Variants in KIAA1217 observed in about 807,000 individuals in gnomAD.
KIAA1217 encodes sickle tail protein homolog.
A neutral mutation model predicts 163.9 loss-of-function variants in KIAA1217; 88 were observed. That is an observed-to-expected ratio of 0.54 (90% CI 0.45 to 0.64). The LOEUF is 0.64. KIAA1217 is among the 30% of genes least tolerant of loss of function. The probability of loss-of-function intolerance (pLI) is 0.00; values close to 1 mark genes in which losing one functional copy is unlikely to be tolerated. For synonymous variants in KIAA1217, 903 were observed against 923.1 expected, an observed-to-expected ratio of 0.98 and a Z score of 0.39; for missense variants, 2,372 against 2,475.0, an observed-to-expected ratio of 0.96 and a Z score of 0.88.
chr10:24,242,465 A>T (rs1382690494), intron 2 of KIAA1217, among the ~76,000 whole-genome samples: 1 of 152,194 alleles, frequency 6.6e-6, no homozygotes, highest in East Asian at 1.9e-4. Flanking sequence ...CATGGTGAAC[A>T]TGTACCACAT....
intron 2 of KIAA1217, among the ~76,000 whole-genome samples, chr10:24,282,292 T>A (rs1033865153): frequency 6.6e-6 from 1 of 152,170 alleles, no homozygotes; most frequent in African/African-American, 2.4e-5. Context: ...GGAGTCTTTT[T>A]CAGGTTTCTC....
intron 1 of KIAA1217, among the ~76,000 whole-genome samples, chr10:23,755,435 G>A (rs149894397): frequency 1.6e-3 from 248 of 152,308 alleles, no homozygotes; most frequent in Admixed American, 3.0e-3. Flanking sequence ...GTCATCTTCA[G>A]TGATCATAAA....
intron 2 of KIAA1217, among the ~76,000 whole-genome samples, chr10:24,161,585 A>G (rs1048102953): frequency 5.9e-5 from 9 of 152,224 alleles, no homozygotes; most frequent in Non-Finnish European, 1.0e-4. Flanking sequence ...GAAAGTTGAG[A>G]AGGTATAAAG....
intron 2 of KIAA1217, among the ~76,000 whole-genome samples, chr10:24,288,932 G>GT (rs1230119996): frequency 1.3e-5 from 2 of 152,136 alleles, no homozygotes; most frequent in African/African-American, 4.8e-5. Flanking sequence ...AATGAGAAGG[G>GT]TTTGAGTTCC....
chr10:24,391,996 G>A (rs1057501633), intron 3 of KIAA1217, among the ~76,000 whole-genome samples: 1 of 152,154 alleles, frequency 6.6e-6, no homozygotes, highest in African/African-American at 2.4e-5. Flanking sequence ...TTTTATCTAT[G>A]ATTTATACCT....
intron 2 of KIAA1217, among the ~76,000 whole-genome samples, chr10:24,261,322 AC>A (rs916383370): frequency 6.6e-6 from 1 of 151,864 alleles, no homozygotes; most frequent in Non-Finnish European, 1.5e-5. Context: ...ACATGGTGAA[AC>A]CCCTTTTCTA....
chr10:24,536,529 G>GTCTA (rs1197826887), intron 16 of KIAA1217, among the ~76,000 whole-genome samples: 2 of 152,168 alleles, frequency 1.3e-5, no homozygotes, highest in African/African-American at 4.8e-5. Context: ...AGGTAGTAAT[G>GTCTA]TCTATTTTAT....
At chr10:23,990,708 G>T (rs1273000153) in intron 1 of KIAA1217, among the ~76,000 whole-genome samples, 1 of 152,078 alleles carries the variant, frequency 6.6e-6, no homozygotes, top group Non-Finnish European at 1.5e-5. Flanking sequence ...GAAGAGCAAA[G>T]AGTCATGAGC....
intron 2 of KIAA1217, among the ~76,000 whole-genome samples, chr10:24,358,124 G>A (rs2049364618): frequency 6.6e-6 from 1 of 152,178 alleles, no homozygotes; most frequent in African/African-American, 2.4e-5. Flanking sequence ...CGTGGATGTG[G>A]ATGAAGATAT....
At chr10:24,217,340 C>T (rs996462093) in intron 1 of KIAA1217, among the ~76,000 whole-genome samples, 2 of 152,124 alleles carry the variant, frequency 1.3e-5, no homozygotes, top group Admixed American at 1.3e-4. Context: ...ACCAATAGTT[C>T]CATCTTCTTC....
At chr10:23,880,991 A>G (rs1246203960) in intron 1 of KIAA1217, among the ~76,000 whole-genome samples, 1 of 151,824 alleles carries the variant, frequency 6.6e-6, no homozygotes, top group Non-Finnish European at 1.5e-5. Context: ...ACAGAGTTGA[A>G]GCTATATGCA....
intron 9 of KIAA1217, among the ~76,000 whole-genome samples, chr10:24,505,381 G>A (rs1311440237): frequency 6.6e-6 from 1 of 151,636 alleles, no homozygotes; most frequent in East Asian, 1.9e-4. Context: ...TCAAGGTTTT[G>A]TGCCTAACAG....
intron 2 of KIAA1217, among the ~76,000 whole-genome samples, chr10:24,068,495 C>G (rs1390485082): frequency 6.6e-6 from 1 of 152,096 alleles, no homozygotes; most frequent in Non-Finnish European, 1.5e-5. Context: ...TATCTTGTTT[C>G]TTAGTTTGAA....
chr10:24,119,200 GC>G (rs2063180773), intron 2 of KIAA1217, among the ~76,000 whole-genome samples: 1 of 151,990 alleles, frequency 6.6e-6, no homozygotes, highest in African/African-American at 2.4e-5. Context: ...AATATCTTTT[GC>G]CTCATTTCCT....
chr10:24,066,069 A>G (rs1490457681), intron 2 of KIAA1217, among the ~76,000 whole-genome samples: 10 of 152,312 alleles, frequency 6.6e-5, no homozygotes, highest in Middle Eastern at 3.4e-3. Context: ...TGAATACAGC[A>G]CACTGATGAG....
At chr10:24,414,681 A>G (rs1233904534) in intron 3 of KIAA1217, among the ~76,000 whole-genome samples, 5 of 152,218 alleles carry the variant, frequency 3.3e-5, no homozygotes, top group Non-Finnish European at 7.3e-5. Flanking sequence ...ACATGGACCC[A>G]TCGGAGGATG....
At chr10:23,775,203 G>T (rs1231031712) in intron 1 of KIAA1217, among the ~76,000 whole-genome samples, 1 of 152,168 alleles carries the variant, frequency 6.6e-6, no homozygotes, top group African/African-American at 2.4e-5. Flanking sequence ...AGTGAGAGTG[G>T]AAGGGAGATG....
intron 2 of KIAA1217, among the ~76,000 whole-genome samples, chr10:24,180,859 T>A (rs2066141340): frequency 6.6e-6 from 1 of 152,222 alleles, no homozygotes; most frequent in African/African-American, 2.4e-5. Flanking sequence ...ATGTCTGTAA[T>A]CCTGGAGTAT....
At chr10:23,723,340 T>G (rs1229342362) in intron 1 of KIAA1217, among the ~76,000 whole-genome samples, 1 of 152,138 alleles carries the variant, frequency 6.6e-6, no homozygotes, top group African/African-American at 2.4e-5. Context: ...TCTATTAGTG[T>G]ACTTATTCCC....
Sources: allele counts gnomAD v4.1 joint callset (sites outside exome capture counted in the v4.1 genomes callset), GRCh38; gene constraint gnomAD v4.1.1; transcripts MANE v1.5; gene names NCBI Gene and HGNC (gene_info 2026-07-23, HGNC 2026-07-21).